ADCY3: variants seen among roughly 807,000 people sequenced by gnomAD.
ADCY3 encodes the protein adenylate cyclase type 3.
A neutral mutation model predicts 119.4 loss-of-function variants in ADCY3; 70 were observed. That is an observed-to-expected ratio of 0.59 (90% CI 0.48 to 0.72). The LOEUF is 0.72. Ranked by LOEUF, ADCY3 falls within the 30% of genes least tolerant of loss-of-function variation. ADCY3 has a pLI of 0.00. For synonymous variants in ADCY3, 672 were observed against 621.4 expected (o/e 1.08, Z -1.21); for missense variants, 1,238 against 1,541.6 (o/e 0.80, Z 3.30).
intron 3 of ADCY3, among the ~76,000 whole-genome samples, chr2:24,854,665 T>C (rs751764667): frequency 1.3e-5 from 2 of 151,982 alleles, no homozygotes; most frequent in East Asian, 1.9e-4. Context: ...CCAAACCAAA[T>C]GCAGGAGAAC....
intron 3 of ADCY3, among the ~76,000 whole-genome samples, chr2:24,860,863 G>A (rs1305720177): frequency 6.6e-6 from 1 of 152,208 alleles, no homozygotes; most frequent in South Asian, 2.1e-4. Context: ...CTTCACAGCA[G>A]AGGAGGAAGC....
chr2:24,839,993 C>T lies in ADCY3; in HGVS notation c.1235G>A (p.Arg412His), dbSNP rs764135304. ...REKTKTGVDM[R>H]VGVHTGTVLG... ...CACGGTGCCCGTGTGCACCCCCACA[C>T]GCATGTCCACCCCAGTCTTGGTCTT... Residue 412 changes from arginine to histidine, a missense_variant, in exon 7 of 22, where the codon CGT (arginine) becomes CAT (histidine). Arg to His is a conservative substitution (Grantham distance 29). This residue lies in a region of ADCY3 where 283 missense variants were observed against 437.2 expected (regional missense o/e 0.65). Transcript: ENST00000679454. 1.3e-5 allele frequency: 21 copies of T among 1,613,576 alleles called. No individual in the cohort carries two copies. The highest frequency in any genetic ancestry group is 4.2e-6 in the Non-Finnish European group (5 of 1,179,902).
intron 2 of ADCY3, among the ~76,000 whole-genome samples, chr2:24,886,361 C>T (rs1182195904): frequency 6.6e-6 from 1 of 152,224 alleles, no homozygotes; most frequent in Admixed American, 6.5e-5. Context: ...GGCCGCCTTC[C>T]GCCTCCCCCT....
rs1572772521 is a variant in ADCY3, at chr2:24,821,985, G to T, written c.3004-345C>A. 1.1e-5 allele frequency: 3 copies of T among 265,812 alleles called. 1 individual carries two copies. In the East Asian group the frequency reaches 2.7e-4, roughly 24 times the overall value. 16.5% of individuals were successfully genotyped at this position (265,812 alleles called of 1,614,324 possible). On this transcript the variant is annotated intron_variant, in intron 19 of 21. Coordinates refer to ENST00000679454, the MANE Select transcript of ADCY3 (RefSeq NM_004036.5). ...CCTCAACTAGGTGATAAGCACTGGA[G>T]GGGGATGACCCGCCTTGGACGTGTT...
At position 24,826,048 on chromosome 2, in the gene ADCY3, G is replaced by T. The variant is rs768438599; in HGVS notation, c.2574C>A (p.Arg858=). ...GGATCGTGCAGGCGGCACTCACGTG[G>T]CGGGAGAAGTAGTAGAAGCTGAGCA... The part of the protein sequence containing the change: ...LMMLSFYYFS[R]HVEKLARTLF... The change falls in exon 16 of 22, where the codon CGC becomes CGA. Residue 858 remains arginine, a synonymous_variant. Coordinates refer to ENST00000679454, the MANE Select transcript of ADCY3 (RefSeq NM_004036.5). 29 of 1,613,906 alleles carry T rather than the reference G, an allele frequency of 1.8e-5. No individual in the cohort carries two copies. The highest frequency in any genetic ancestry group is 2.2e-5 in the Non-Finnish European group (26 of 1,179,930).
At chr2:24,900,288 T>C (rs1678750950) in intron 2 of ADCY3, among the ~76,000 whole-genome samples, 1 of 142,374 alleles carries the variant, frequency 7.0e-6, no homozygotes, top group African/African-American at 2.6e-5. Flanking sequence ...AAGGTTGCAG[T>C]GAGCTGAGAT....
intron 16 of ADCY3, among the ~76,000 whole-genome samples, chr2:24,824,889 CAAAA>C (rs1487883962): frequency 6.6e-6 from 1 of 151,890 alleles, no homozygotes; most frequent in Non-Finnish European, 1.5e-5. Flanking sequence ...GACTCAGTCT[CAAAA>C]AAAGAAGAAA....
chr2:24,833,527 C>T (rs560950244), intron 11 of ADCY3, among the ~76,000 whole-genome samples: 1 of 152,374 alleles, frequency 6.6e-6, no homozygotes, highest in East Asian at 1.9e-4. Flanking sequence ...GCCTCCCTTC[C>T]TTGCCTTCCC....
chr2:24,863,809 G>C (rs1415018355), intron 3 of ADCY3, among the ~76,000 whole-genome samples: 1 of 152,220 alleles, frequency 6.6e-6, no homozygotes, highest in African/African-American at 2.4e-5. Context: ...ATGAGGATAA[G>C]GCAGGAAACA....
At chr2:24,885,578 G>C (rs1572990174) in intron 2 of ADCY3, among the ~76,000 whole-genome samples, 1 of 152,144 alleles carries the variant, frequency 6.6e-6, no homozygotes, top group African/African-American at 2.4e-5. Context: ...GGTCTTTCCA[G>C]GTAAAAGCCT....
intron 16 of ADCY3, chr2:24,825,835 G>T: frequency 3.4e-6 from 2 of 582,564 alleles, no homozygotes; most frequent in East Asian, 2.9e-5. Context: ...CCTGGAGGGG[G>T]TCGGACGGAA....
chr2:24,825,723 G>C (rs979791548), intron 16 of ADCY3: 1 of 329,246 alleles, frequency 3.0e-6, no homozygotes, highest in African/African-American at 2.2e-5. Flanking sequence ...CGGGGAGTGC[G>C]GGGGCCATGA....
intron 2 of ADCY3, among the ~76,000 whole-genome samples, chr2:24,895,094 T>C (rs2148956417): frequency 6.6e-6 from 1 of 152,266 alleles, no homozygotes; most frequent in East Asian, 1.9e-4. Context: ...TCTTCATTTT[T>C]CTTTTTCTTT....
In ADCY3 at chr2:24,898,683, C is replaced by T. The variant is rs548625776; in HGVS notation, c.675+19630G>A. Among the ~76,000 whole-genome samples the T allele has an allele frequency of 1.6e-4, 24 of 152,272 alleles. No homozygotes were observed. The South Asian group carries it at 4.8e-3, about 30-fold the overall frequency. Reference sequence around the variant, plus strand: ...GCAAAGGAGCAGAAGCCACAGGTCCCAGGAAACCGCACAGCTCCCGGCTCC... The same window carrying T: ...GCAAAGGAGCAGAAGCCACAGGTCCTAGGAAACCGCACAGCTCCCGGCTCC... On this transcript the variant is annotated intron_variant, in intron 2 of 21. Coordinates refer to ENST00000679454, the MANE Select transcript of ADCY3 (RefSeq NM_004036.5). This position sits in a 1 kb window ranked among gnomAD's most constrained non-coding sequence, Gnocchi z 4.3.
rs1419955660 is a variant in ADCY3 at position 24,920,014 on chromosome 2, G to T, written c.-529C>A. Among the ~76,000 whole-genome samples the T allele has an allele frequency of 6.8e-6, 1 of 147,386 alleles. No individual in the cohort carries two copies. Among genetic ancestry groups the T allele is most frequent in the Non-Finnish European group, 1.5e-5 (1 of 66,190 alleles). On this transcript the variant is annotated 5_prime_UTR_variant, in exon 1 of 22. Transcript: ENST00000679454. This position sits in a 1 kb window ranked among gnomAD's most constrained non-coding sequence, Gnocchi z 4.5. Reference sequence around the variant, plus strand: ...CGTGCGGGGGCCGGCAGGCGCGGGCGGCGGCGAGCGCGGCTCTCCGGACCC... The same window carrying T: ...CGTGCGGGGGCCGGCAGGCGCGGGCTGCGGCGAGCGCGGCTCTCCGGACCC...
intron 2 of ADCY3, among the ~76,000 whole-genome samples, chr2:24,915,226 A>C (rs1664304985): frequency 6.6e-6 from 1 of 152,162 alleles, no homozygotes. Context: ...TCCCCCACTG[A>C]CCCTGGAGGG....
intron 2 of ADCY3, among the ~76,000 whole-genome samples, chr2:24,888,954 A>G (rs990815559): frequency 4.6e-5 from 7 of 152,230 alleles, no homozygotes; most frequent in Admixed American, 6.5e-5. Flanking sequence ...GGTTGCAGTG[A>G]GCTGAGGTCA....
intron 2 of ADCY3, among the ~76,000 whole-genome samples, chr2:24,911,812 G>T (rs1663720937): frequency 6.6e-6 from 1 of 151,964 alleles, no homozygotes; most frequent in East Asian, 1.9e-4. Context: ...GCCTCCCAAA[G>T]TGCTGGGATT....
At chr2:24,820,665 G>T (rs904795409) in intron 21 of ADCY3, 59 bp downstream of exon 21, 2 of 1,607,016 alleles carry the variant, frequency 1.2e-6, no homozygotes, top group African/African-American at 2.7e-5. Flanking sequence ...GGAAAGCACT[G>T]TTCCGGTTTT....
Sources: allele counts gnomAD v4.1 joint callset (sites outside exome capture counted in the v4.1 genomes callset), GRCh38; gene constraint gnomAD v4.1.1; regional missense constraint gnomAD v4.1.1; non-coding constraint Gnocchi (gnomAD v3.1); transcripts MANE v1.5; gene names NCBI Gene and HGNC (gene_info 2026-07-23, HGNC 2026-07-21).